URM1: variants seen among roughly 807,000 people sequenced by gnomAD.
The protein encoded by URM1 is ubiquitin related modifier 1, also known as ubiquitin-related modifier 1.
URM1 carries 11 observed loss-of-function variants against 17.7 expected under a neutral mutation model. That is an observed-to-expected ratio of 0.62 (90% confidence interval 0.39 to 1.03). The LOEUF (loss-of-function observed/expected upper bound fraction) is 1.03. Ranked by LOEUF, URM1 falls within the 50% of genes least tolerant of loss-of-function variation. The probability of loss-of-function intolerance (pLI) is 0.00; values close to 1 mark genes in which losing one functional copy is unlikely to be tolerated. For missense variants in URM1, 128 were observed against 129.2 expected, an observed-to-expected ratio of 0.99 and a Z score of 0.04; for synonymous variants, 48 against 50.6, an observed-to-expected ratio of 0.95 and a Z score of 0.22.
Position 128,378,051 on chromosome 9 carries a change from C to G in URM1, c.51C>G (p.Leu17=). The stretch of plus-strand genomic sequence containing the variant: ...TCCTTTGCAGAGGTGGTGCGGAGCT[C>G]CTGTTTGACGGTATTAAGAAACATC... ...VEVEFGGGAE[L]LFDGIKKHRV... Residue 17 remains leucine (L), a synonymous_variant, in exon 2 of 5, where the codon CTC becomes CTG. Coordinates refer to ENST00000372853, the MANE Select transcript of URM1 (RefSeq NM_030914.4). 1 of 1,611,966 alleles carries G rather than the reference C, an allele frequency of 6.2e-7. No homozygotes were observed. Among genetic ancestry groups the G allele is most frequent in the Non-Finnish European group, 8.5e-7 (1 of 1,179,040 alleles).
intron 2 of URM1, among the ~76,000 whole-genome samples, chr9:128,381,071 G>T (rs998600935): frequency 6.6e-6 from 1 of 151,956 alleles, no homozygotes. Context: ...TGATCCGCCC[G>T]CCTCGGCCTC....
At chr9:128,378,672 A>G (rs1833114228) in intron 2 of URM1, among the ~76,000 whole-genome samples, 1 of 151,278 alleles carries the variant, frequency 6.6e-6, no homozygotes, top group South Asian at 2.1e-4. Context: ...AGCCAGTCCC[A>G]GGCCAGGTGT....
intron 1 of URM1, among the ~76,000 whole-genome samples, chr9:128,373,017 G>A (rs1186851166): frequency 6.6e-6 from 1 of 152,128 alleles, no homozygotes; most frequent in Non-Finnish European, 1.5e-5. Flanking sequence ...TACTGTGCTA[G>A]CTCAGTGGGG....
chr9:128,384,352 T>C (rs962776569), intron 2 of URM1, among the ~76,000 whole-genome samples: 1 of 152,198 alleles, frequency 6.6e-6, no homozygotes, highest in Non-Finnish European at 1.5e-5. Flanking sequence ...CGCCAGCACC[T>C]ACAGACTCAG....
At chr9:128,388,683 C>T in intron 3 of URM1, 1 of 983,638 alleles carries the variant, frequency 1.0e-6, no homozygotes. Context: ...AGCTGCCTGA[C>T]CAAATGTTGA....
intron 1 of URM1, among the ~76,000 whole-genome samples, chr9:128,374,039 G>C (rs772785374): frequency 1.3e-5 from 2 of 152,148 alleles, no homozygotes; most frequent in African/African-American, 4.8e-5. Flanking sequence ...GAATTGGGGG[G>C]GTTGAAGGAA....
At chr9:128,384,795 C>T (rs746026114) in intron 2 of URM1, among the ~76,000 whole-genome samples, 59 of 152,000 alleles carry the variant, frequency 3.9e-4, no homozygotes, top group Non-Finnish European at 5.1e-4. Context: ...AAAAGGAAGC[C>T]GAGGCTTCCT....
rs1194145869 is a variant in URM1 at position 128,389,567 on chromosome 9, T to A, written c.238-99T>A. ...CATTTTTCTGGTAGAGTCTGTCTCTTCCAGAGCAGCCAGTCCTCAGCCCCT... is the reference window on the plus strand; with the variant it reads ...CATTTTTCTGGTAGAGTCTGTCTCTACCAGAGCAGCCAGTCCTCAGCCCCT... On this transcript the variant is annotated intron_variant, in intron 4 of 4. Coordinates refer to ENST00000372853, the MANE Select transcript of URM1 (RefSeq NM_030914.4). 26 of 1,574,930 alleles carry A rather than the reference T, an allele frequency of 1.7e-5. No homozygotes were observed. The East Asian group carries it at 6.0e-4, about 37-fold the overall frequency.
At chr9:128,389,072 C>A in intron 3 of URM1, 189 bp from the exon 4 acceptor site, 1 of 1,378,198 alleles carries the variant, frequency 7.3e-7, no homozygotes, top group Non-Finnish European at 9.3e-7. Flanking sequence ...GCTACAAAGA[C>A]CATGCATGAC....
Position 128,389,277 on chromosome 9 carries a change from G to A in URM1, c.205G>A (p.Val69Met). 6.2e-7 allele frequency: 1 copy of A among 1,603,958 alleles called. No individual in the cohort carries two copies. The highest frequency in any genetic ancestry group is 1.3e-5 in the African/African-American group (1 of 74,820). ...QGDSVRPGIL[V>M]LINDADWELL... ...TTCCCACAGGCGGCCAGGAATTCTG[G>A]TGCTGATTAACGATGCCGACTGGGA... The change falls in exon 4 of 5, where the codon GTG (valine) becomes ATG (methionine). Residue 69 changes from valine (V) to methionine (M), a missense_variant. Physicochemically the swap from Val to Met is conservative, Grantham distance 21. Coordinates refer to ENST00000372853, the MANE Select transcript of URM1 (RefSeq NM_030914.4).
chr9:128,389,149 A>G, intron 3 of URM1, 112 bp from the exon 4 acceptor site: 1 of 1,492,630 alleles, frequency 6.7e-7, no homozygotes, highest in South Asian at 1.4e-5. Flanking sequence ...AGACCCCAGG[A>G]GGAAGGCTCC....
At chr9:128,381,635 C>T (rs977700427) in intron 2 of URM1, among the ~76,000 whole-genome samples, 2 of 152,232 alleles carry the variant, frequency 1.3e-5, no homozygotes, top group African/African-American at 4.8e-5. Context: ...TATAGTGAGC[C>T]GAGATCGTGC....
At position 128,389,871 on chromosome 9, in the gene URM1, A is replaced by T. The variant is rs1833286312; in HGVS notation, c.*137A>T. On this transcript the variant is annotated 3_prime_UTR_variant, in exon 5 of 5. Coordinates refer to ENST00000372853, the MANE Select transcript of URM1 (RefSeq NM_030914.4). ...TCTGTCCCCTAAGCTCCCTCCAGGC[A>T]GGGAAAAGAGGCCAGGTGCTAAAAA... 2 of 1,198,606 alleles carry T rather than the reference A, an allele frequency of 1.7e-6. No homozygotes were observed. Among genetic ancestry groups the T allele is most frequent in the East Asian group, 2.6e-5 (1 of 38,440 alleles). The allele number at this position is 1,198,606 out of a possible 1,614,324, so 74.2% of individuals were successfully genotyped here.
chr9:128,386,227 C>G (rs747791462), intron 2 of URM1, among the ~76,000 whole-genome samples: 7 of 152,196 alleles, frequency 4.6e-5, no homozygotes, highest in Admixed American at 2.6e-4. Context: ...GTGGCTCTAT[C>G]GAGCAGCCAC....
At position 128,389,785 on chromosome 9, in the gene URM1, G is replaced by C; in HGVS notation, c.*51G>C. On this transcript the variant is annotated 3_prime_UTR_variant, in exon 5 of 5. Coordinates refer to ENST00000372853, the MANE Select transcript of URM1 (RefSeq NM_030914.4). The stretch of plus-strand genomic sequence containing the variant: ...CTTAGAGGGGAGAACGAAGCAATCA[G>C]ACATCCCCTTGGGCCCTGCTTCCAG... 6.2e-7 allele frequency: 1 copy of C among 1,611,774 alleles called. No individual in the cohort carries two copies. The highest frequency in any genetic ancestry group is 8.5e-7 in the Non-Finnish European group (1 of 1,179,100).
intron 1 of URM1, among the ~76,000 whole-genome samples, chr9:128,372,970 G>C (rs371354946): frequency 6.6e-6 from 1 of 151,940 alleles, no homozygotes; most frequent in East Asian, 1.9e-4. Context: ...TCATGAGTCA[G>C]ACATGGTCTT....
intron 2 of URM1, among the ~76,000 whole-genome samples, chr9:128,383,884 G>A (rs888610931): frequency 1.3e-5 from 2 of 152,160 alleles, no homozygotes; most frequent in Non-Finnish European, 1.5e-5. Flanking sequence ...TGGAGCTTGC[G>A]TCGGTGCTCT....
At chr9:128,388,052 G>C (rs1276130517) in intron 3 of URM1, 155 bp downstream of exon 3, 1 of 1,364,770 alleles carries the variant, frequency 7.3e-7, no homozygotes, top group Non-Finnish European at 9.4e-7. Flanking sequence ...CAGTTTTCTT[G>C]TTACTAAACC....
intron 2 of URM1, among the ~76,000 whole-genome samples, chr9:128,386,752 C>T (rs1402300919): frequency 6.6e-6 from 1 of 152,258 alleles, no homozygotes; most frequent in Non-Finnish European, 1.5e-5. Flanking sequence ...TCACCTGGGA[C>T]TTCTCCAGCT....
Sources: gnomAD v4.1 joint callset for allele counts (sites outside exome capture counted in the v4.1 genomes callset) on GRCh38, gnomAD v4.1.1 for gene constraint, MANE v1.5 for transcripts, NCBI Gene and HGNC (gene_info 2026-07-23, HGNC 2026-07-21) for gene names.